Variants in LDLRAP1 observed in about 807,000 individuals in gnomAD.
LDLRAP1 encodes the protein low density lipoprotein receptor adaptor protein 1.
In LDLRAP1, 30 loss-of-function variants were observed where a neutral mutation model predicts 37.8. The observed-to-expected ratio is 0.79, with a 90% CI of 0.59 to 1.08. The LOEUF is 1.08. Ranked by LOEUF, LDLRAP1 falls within the 50% of genes least tolerant of loss-of-function variation. The pLI, the probability that LDLRAP1 is intolerant of heterozygous loss-of-function variation, is 0.00. For synonymous variants in LDLRAP1, 156 were observed against 169.8 expected, an observed-to-expected ratio of 0.92 and a Z score of 0.63; for missense variants, 375 against 401.6, an observed-to-expected ratio of 0.93 and a Z score of 0.57.
At chr1:25,582,324 C>T in the LDLRAP1 span, among the ~76,000 whole-genome samples, 17 of 152,316 alleles carry the variant, frequency 1.1e-4, no homozygotes, top group East Asian at 1.2e-3. Context: ...TGGTGGCTCA[C>T]GCCTGTAATC....
the LDLRAP1 span, among the ~76,000 whole-genome samples, chr1:25,586,909 C>T: frequency 6.6e-6 from 1 of 152,138 alleles, no homozygotes; most frequent in Non-Finnish European, 1.5e-5. The surrounding 1 kb of genome is among the most constrained non-coding windows in gnomAD (Gnocchi z 4.3). Flanking sequence ...GACCCCAGCT[C>T]CATGCTTAGC....
At chr1:25,586,585 CGTGTGT>C in the LDLRAP1 span, among the ~76,000 whole-genome samples, 2 of 147,118 alleles carry the variant, frequency 1.4e-5, no homozygotes, top group African/African-American at 2.7e-5. This position sits in a 1 kb window ranked among gnomAD's most constrained non-coding sequence, Gnocchi z 4.3. Context: ...CGTGTGCGCG[CGTGTGT>C]GTGTGTGTAT....
chr1:25,553,839 C>T, intron 1 of LDLRAP1, 83 bp from the exon 2 acceptor site: 2 of 1,553,668 alleles, frequency 1.3e-6, no homozygotes, highest in South Asian at 2.3e-5. Context: ...CTGGGGTTTC[C>T]TAGGAAAGAA....
rs575024313 is a variant in LDLRAP1, at chr1:25,543,619, C to T, written c.-80C>T. 9.8e-6 allele frequency: 10 copies of T among 1,024,252 alleles called. No individual in the cohort carries two copies. Among genetic ancestry groups the T allele is most frequent in the Non-Finnish European group, 1.2e-5 (10 of 808,276 alleles). 63.4% of individuals were successfully genotyped at this position (1,024,252 alleles called of 1,614,324 possible). ...GCTGGGAGGGGAGGAGCGCGCAGCC[C>T]GCGCGCCGCAGGGCCGGGCGGAAAG... On this transcript the variant is annotated 5_prime_UTR_variant, in exon 1 of 9. Coordinates refer to ENST00000374338, the MANE Select transcript of LDLRAP1 (RefSeq NM_015627.3).
intron 1 of LDLRAP1, chr1:25,553,481 G>A (rs764260004): frequency 4.3e-5 from 9 of 208,836 alleles, no homozygotes; most frequent in Non-Finnish European, 7.9e-5. Flanking sequence ...GTTCTTAGGA[G>A]GATTAATGAG....
intron 5 of LDLRAP1, 166 bp from the exon 6 acceptor site, chr1:25,562,904 A>G (rs115553726): frequency 0.024 from 20,127 of 822,996 alleles, 281 homozygotes; most frequent in African/African-American, 0.039. Context: ...CCCTCCCCAA[A>G]GGTGCTTGTG....
downstream of LDLRAP1, among the ~76,000 whole-genome samples, chr1:25,572,119 G>A (rs1487382260): frequency 1.3e-5 from 2 of 152,218 alleles, no homozygotes; most frequent in Non-Finnish European, 2.9e-5. Context: ...AATGGTTGGC[G>A]ACTGCATGTG....
At chr1:25,557,644 G>C (rs1361631154) in intron 4 of LDLRAP1, among the ~76,000 whole-genome samples, 1 of 152,216 alleles carries the variant, frequency 6.6e-6, no homozygotes, top group African/African-American at 2.4e-5. Context: ...GGGGGGCCTA[G>C]GGTGGAAGGC....
chr1:25,587,451 G>A, the LDLRAP1 span, among the ~76,000 whole-genome samples: 4 of 152,126 alleles, frequency 2.6e-5, no homozygotes, highest in Admixed American at 6.5e-5. Flanking sequence ...CACTGCATCC[G>A]GCCATGACTC....
chr1:25,579,123 C>T, the LDLRAP1 span, among the ~76,000 whole-genome samples: 1 of 152,156 alleles, frequency 6.6e-6, no homozygotes, highest in Non-Finnish European at 1.5e-5. Flanking sequence ...AATATGGCCA[C>T]CATGGCCAAT....
chr1:25,563,229 C>A, intron 6 of LDLRAP1, 76 bp downstream of exon 6: 1 of 1,256,944 alleles, frequency 8.0e-7, no homozygotes, highest in Non-Finnish European at 1.2e-6. Context: ...CCCACTCCTG[C>A]CTGGGCTGGG....
chr1:25,589,102 G>A, the LDLRAP1 span, among the ~76,000 whole-genome samples: 7 of 152,190 alleles, frequency 4.6e-5, no homozygotes, highest in South Asian at 2.1e-4. Flanking sequence ...TCGGGAGTTC[G>A]AGACCAGCCT....
Position 25,557,158 on chromosome 1 carries a change from CCT to C in LDLRAP1, c.351_352del (p.Tyr118LeufsTer52). ...GCTTCCTCCTTGCCTTTCAGGATCT[CCT>C]ATTGCACAGCAGACAAGATGCACGA... On this transcript the variant is annotated frameshift_variant, in exon 4 of 9. Coordinates refer to ENST00000374338, the MANE Select transcript of LDLRAP1 (RefSeq NM_015627.3). LOFTEE classifies it high-confidence loss of function. The C allele has an allele frequency of 1.2e-6, 2 of 1,613,444 alleles. No individual in the cohort carries two copies. The highest frequency in any genetic ancestry group is 1.7e-6 in the Non-Finnish European group (2 of 1,179,334).
chr1:25,588,942 G>A, the LDLRAP1 span, among the ~76,000 whole-genome samples: 23 of 152,062 alleles, frequency 1.5e-4, no homozygotes, highest in African/African-American at 4.6e-4. Context: ...TGCTCTCCCC[G>A]CTGCCTGGAC....
At position 25,563,061 on chromosome 1, in the gene LDLRAP1, G is replaced by A. The variant is rs1248009656; in HGVS notation, c.533-9G>A. On this transcript the variant is annotated splice_polypyrimidine_tract_variant and intron_variant, in intron 5 of 8. Transcript: ENST00000374338. ...TGAGGCTCCAACATGTTGTGCCTTG[G>A]TCCTGCAGAGAAAGAGAAGAGGGAC... 1 of 1,613,958 alleles carries A rather than the reference G, an allele frequency of 6.2e-7. No homozygotes were observed. Among genetic ancestry groups the A allele is most frequent in the East Asian group, 2.2e-5 (1 of 44,888 alleles).
chr1:25,566,757 C>T, intron 8 of LDLRAP1, 91 bp from the exon 9 acceptor site: 1 of 1,499,450 alleles, frequency 6.7e-7, no homozygotes, highest in Non-Finnish European at 9.1e-7. Context: ...GCCATGTGCC[C>T]TGCTGTTCCC....
the LDLRAP1 span, among the ~76,000 whole-genome samples, chr1:25,580,851 T>C: frequency 5.9e-5 from 9 of 152,196 alleles, no homozygotes. Context: ...ATCAACCCCA[T>C]TTTATAGATG....
At chr1:25,579,653 A>G in the LDLRAP1 span, among the ~76,000 whole-genome samples, 1 of 152,236 alleles carries the variant, frequency 6.6e-6, no homozygotes, top group South Asian at 2.1e-4. Flanking sequence ...GTGCCACAGA[A>G]GCAGCTACCC....
In LDLRAP1 at chr1:25,544,570, TCTGGGAGG is replaced by T. The variant is rs1407894549; in HGVS notation, c.88+793_88+800del. 6.6e-6 allele frequency among the ~76,000 whole-genome samples: 1 copy of T among 152,146 alleles called. No homozygotes were observed. The highest frequency in any genetic ancestry group is 2.4e-5 in the African/African-American group (1 of 41,440). ...CTCGCCGCCACCTCTCCCTGGGGCG[TCTGGGAGG>T]CTGGGAGGGGCCTCCCCCCCTTTCT... On this transcript the variant is annotated intron_variant, in intron 1 of 8. Transcript: ENST00000374338. This position sits in a 1 kb window ranked among gnomAD's most constrained non-coding sequence, Gnocchi z 4.8.
Sources: gnomAD v4.1 joint callset for allele counts (sites outside exome capture counted in the v4.1 genomes callset) on GRCh38, gnomAD v4.1.1 for gene constraint, Gnocchi (gnomAD v3.1) non-coding constraint, MANE v1.5 for transcripts, NCBI Gene and HGNC (gene_info 2026-07-23, HGNC 2026-07-21) for gene names.